USP34: variants seen among roughly 807,000 people sequenced by gnomAD.
USP34 encodes the protein ubiquitin specific peptidase 34, also known as ubiquitin carboxyl-terminal hydrolase 34.
In USP34, 70 loss-of-function variants were observed where a neutral mutation model predicts 460.3. That is an observed-to-expected ratio of 0.15 (90% confidence interval 0.13 to 0.19). The LOEUF is 0.19. USP34 is among the 10% of genes least tolerant of loss of function. The probability of loss-of-function intolerance (pLI) is 1.00; values close to 1 mark genes in which losing one functional copy is unlikely to be tolerated. For missense variants in USP34, 3,985 were observed against 4,236.2 expected, an observed-to-expected ratio of 0.94 and a Z score of 1.65; for synonymous variants, 1,647 against 1,405.3, an observed-to-expected ratio of 1.17 and a Z score of -3.85.
chr2:61,426,867 G>A (rs1001049209), intron 1 of USP34, among the ~76,000 whole-genome samples: 6 of 152,190 alleles, frequency 3.9e-5, no homozygotes, highest in Non-Finnish European at 5.9e-5. Context: ...CAGCGAGACC[G>A]TGTGTTTGGG....
intron 10 of USP34, among the ~76,000 whole-genome samples, chr2:61,369,817 G>GA (rs1692559376): frequency 6.7e-6 from 1 of 150,086 alleles, no homozygotes; most frequent in Admixed American, 6.6e-5. Context: ...TTGTGAAAAA[G>GA]AAAGAGGAAG....
chr2:61,353,722 C>G (rs1692023355), intron 10 of USP34, among the ~76,000 whole-genome samples: 1 of 152,028 alleles, frequency 6.6e-6, no homozygotes, highest in Non-Finnish European at 1.5e-5. Flanking sequence ...TGACTCACCA[C>G]TCAGCCACTA....
At chr2:61,422,678 A>G (rs1288281264) in intron 1 of USP34, among the ~76,000 whole-genome samples, 1 of 152,242 alleles carries the variant, frequency 6.6e-6, no homozygotes, top group Non-Finnish European at 1.5e-5. Flanking sequence ...CTGTCCACAG[A>G]TAACATGAAC....
chr2:61,428,929 G>A (rs1275560742), intron 1 of USP34, among the ~76,000 whole-genome samples: 3 of 152,078 alleles, frequency 2.0e-5, no homozygotes, highest in African/African-American at 4.8e-5. Flanking sequence ...CACACAGGTA[G>A]CCAACAAACA....
At position 61,249,779 on chromosome 2, in the gene USP34, T is replaced by C. The variant is rs140407580; in HGVS notation, c.6222-1096A>G. On this transcript the variant is annotated intron_variant, in intron 48 of 79. Transcript: ENST00000398571. Reference sequence around the variant, plus strand: ...TTAGCAATAATAGGAATGGGGGCAGTGTTCCAGCCTGTTTCTGTTTCTACC... The same window carrying C: ...TTAGCAATAATAGGAATGGGGGCAGCGTTCCAGCCTGTTTCTGTTTCTACC... 5.0e-3 allele frequency: 776 copies of C among 155,692 alleles called. 6 individuals carry two copies. The highest frequency in any genetic ancestry group is 0.018 in the African/African-American group (755 of 41,604). 9.6% of individuals were successfully genotyped at this position (155,692 alleles called of 1,614,324 possible). A position where few individuals can be genotyped will look rare whatever the true frequency, so the allele number is the denominator to read the frequency against.
chr2:61,378,574 C>T (rs1239561248), intron 7 of USP34, 150 bp from the exon 8 acceptor site: 4 of 509,068 alleles, frequency 7.9e-6, no homozygotes, highest in Non-Finnish European at 1.4e-5. Context: ...CAGAGACACA[C>T]GCTTCCCAAT....
At chr2:61,405,041 C>T (rs925677130) in intron 3 of USP34, among the ~76,000 whole-genome samples, 2 of 151,754 alleles carry the variant, frequency 1.3e-5, no homozygotes, top group Non-Finnish European at 2.9e-5. Context: ...TCCTGGCTAA[C>T]ACGGTGAAAC....
At chr2:61,368,657 A>C (rs1435236087) in intron 10 of USP34, among the ~76,000 whole-genome samples, 1 of 152,236 alleles carries the variant, frequency 6.6e-6, no homozygotes, top group Non-Finnish European at 1.5e-5. Context: ...TGCACAACAA[A>C]AAAGGGAGGA....
rs570181289 is a variant in USP34 at position 61,347,201 on chromosome 2, C to G, written c.2285+669G>C. Among the ~76,000 whole-genome samples the G allele has an allele frequency of 2.7e-3, 405 of 152,020 alleles. 1 individual carries two copies. Among genetic ancestry groups the G allele is most frequent in the Non-Finnish European group, 4.6e-3 (312 of 67,978 alleles). On this transcript the variant is annotated intron_variant, in intron 15 of 79. Coordinates refer to ENST00000398571, the MANE Select transcript of USP34 (RefSeq NM_014709.4). Reference sequence around the variant, plus strand: ...AATATTTTAAAGAATTAAAGGGTGGCTGGTCTAAATTGAAAAGTGCTATAA... The same window carrying G: ...AATATTTTAAAGAATTAAAGGGTGGGTGGTCTAAATTGAAAAGTGCTATAA...
In USP34 at chr2:61,438,108, G is replaced by C. The variant is rs142894014; in HGVS notation, c.44-17275C>G. On this transcript the variant is annotated intron_variant, in intron 1 of 79. Transcript: ENST00000398571. The stretch of plus-strand genomic sequence containing the variant: ...AACATAGACACAAAAATTCTGAACA[G>C]AATTCTGGCAAACCAAATCCAACAA... 9.2e-5 allele frequency among the ~76,000 whole-genome samples: 14 copies of C among 152,092 alleles called. No individual in the cohort carries two copies. In the East Asian group the frequency reaches 2.3e-3, roughly 25 times the overall value.
chr2:61,342,354 G>A (rs1053644761), intron 16 of USP34, among the ~76,000 whole-genome samples: 7 of 143,448 alleles, frequency 4.9e-5, no homozygotes, highest in Non-Finnish European at 1.0e-4. Context: ...AGGCTGGAGT[G>A]CAGTGGCGTG....
chr2:61,299,327 T>C (rs1356747156), intron 29 of USP34, among the ~76,000 whole-genome samples: 1 of 152,172 alleles, frequency 6.6e-6, no homozygotes, highest in Admixed American at 6.5e-5. Flanking sequence ...ATCTCAAAAT[T>C]GTGATTCACT....
chr2:61,262,992 G>T (rs941907420), intron 43 of USP34, among the ~76,000 whole-genome samples: 4 of 151,728 alleles, frequency 2.6e-5, no homozygotes, highest in African/African-American at 9.7e-5. Flanking sequence ...CTTTTGAAAA[G>T]TGTCTGTTCA....
rs577970864 is a variant in USP34, at chr2:61,195,480, T to C, written c.9509-2500A>G. On this transcript the variant is annotated intron_variant, in intron 75 of 79. Coordinates refer to ENST00000398571, the MANE Select transcript of USP34 (RefSeq NM_014709.4). Reference sequence around the variant, plus strand: ...TGAGGTCAGGAGTTCGAGACCAGCCTGACCAACATGGTGAAACCCCGTTTC... The same window carrying C: ...TGAGGTCAGGAGTTCGAGACCAGCCCGACCAACATGGTGAAACCCCGTTTC... Among the ~76,000 whole-genome samples the C allele has an allele frequency of 4.6e-5, 7 of 151,614 alleles. No homozygotes were observed. The South Asian group carries it at 1.3e-3, about 27-fold the overall frequency.
chr2:61,226,862 G>A, intron 62 of USP34: 1 of 548,904 alleles, frequency 1.8e-6, no homozygotes, highest in Non-Finnish European at 2.8e-6. Context: ...TAAAAGTTTG[G>A]TAGAAAAAAC....
At chr2:61,286,447 G>T (rs957088327) in intron 34 of USP34, among the ~76,000 whole-genome samples, 2 of 152,134 alleles carry the variant, frequency 1.3e-5, no homozygotes, top group African/African-American at 4.8e-5. Context: ...CTTGAGGTCA[G>T]GAGTTTGAGA....
At chr2:61,303,922 G>C (rs1295650192) in intron 27 of USP34, among the ~76,000 whole-genome samples, 1 of 151,388 alleles carries the variant, frequency 6.6e-6, no homozygotes, top group African/African-American at 2.4e-5. Context: ...TTGTTTTGAG[G>C]AGTCTCGCTC....
At chr2:61,218,331 A>G (rs1687463783) in intron 67 of USP34, among the ~76,000 whole-genome samples, 1 of 151,290 alleles carries the variant, frequency 6.6e-6, no homozygotes, top group Non-Finnish European at 1.5e-5. Context: ...AAAAAAAAAA[A>G]AAAAGGCCCA....
At chr2:61,206,637 T>C (rs1445710399) in intron 71 of USP34, 123 bp downstream of exon 71, 3 of 1,244,286 alleles carry the variant, frequency 2.4e-6, no homozygotes, top group Non-Finnish European at 3.3e-6. Flanking sequence ...GTTAGCTAGC[T>C]TCAGCCTCAT....
Sources: gnomAD v4.1 joint callset for allele counts (sites outside exome capture counted in the v4.1 genomes callset) on GRCh38, gnomAD v4.1.1 for gene constraint, MANE v1.5 for transcripts, NCBI Gene and HGNC (gene_info 2026-07-23, HGNC 2026-07-21) for gene names.